DNAH11: variants seen among roughly 807,000 people sequenced by gnomAD.
DNAH11 encodes axonemal beta dynein heavy chain 11.
In DNAH11, 442 loss-of-function variants were observed where a neutral mutation model predicts 526.0. The observed-to-expected ratio is 0.84, with a 90% confidence interval of 0.78 to 0.91. The LOEUF (loss-of-function observed/expected upper bound fraction) is 0.91, where lower values mean the gene tolerates loss of function less well. Among genes scored for constraint, DNAH11 ranks in the 40% least tolerant of loss-of-function variants. The pLI is 0.00. For missense variants in DNAH11, 6,989 were observed against 5,448.7 expected (o/e 1.28, Z -8.90); for synonymous variants, 2,461 against 1,935.9 (o/e 1.27, Z -7.12).
intron 18 of DNAH11, 66 bp downstream of exon 18, chr7:21,601,684 AC>A: frequency 8.3e-7 from 1 of 1,201,082 alleles, no homozygotes; most frequent in Non-Finnish European, 1.1e-6. Flanking sequence ...AAAGTACTTT[AC>A]ATGTACTCTC....
intron 28 of DNAH11, among the ~76,000 whole-genome samples, chr7:21,641,198 C>T (rs554621263): frequency 1.3e-5 from 2 of 152,274 alleles, no homozygotes; most frequent in East Asian, 3.9e-4. Flanking sequence ...CTTACTGGTG[C>T]CCAGAGTTTT....
intron 36 of DNAH11, among the ~76,000 whole-genome samples, chr7:21,700,776 G>A (rs1244795531): frequency 6.6e-6 from 1 of 152,140 alleles, no homozygotes; most frequent in Non-Finnish European, 1.5e-5. Flanking sequence ...ATACTATGCA[G>A]CCATGAAAAA....
chr7:21,817,057 A>G (rs1789825780), intron 64 of DNAH11, among the ~76,000 whole-genome samples: 1 of 152,112 alleles, frequency 6.6e-6, no homozygotes, highest in Non-Finnish European at 1.5e-5. Flanking sequence ...TCCGGGCTTC[A>G]TGATGTTTAC....
Position 21,601,604 on chromosome 7 carries a change from T to C in DNAH11, c.3634T>C (p.Tyr1212His), listed in dbSNP as rs143830019. The C allele has an allele frequency of 6.7e-4, 1,053 of 1,579,026 alleles. 3 individuals carry two copies. In the East Asian group the frequency reaches 0.016, roughly 25 times the overall value. Residue 1212 changes from tyrosine (Y) to histidine (H), a missense_variant, in exon 18 of 82, where the codon TAT becomes CAT. Coordinates refer to ENST00000409508, the MANE Select transcript of DNAH11 (RefSeq NM_001277115.2). ...SYGQKMPEQVYIQLEELPERW... is the reference protein window; with the variant it reads ...SYGQKMPEQVHIQLEELPERW... The stretch of plus-strand genomic sequence containing the variant: ...TGGCCAGAAGATGCCTGAGCAGGTC[T>C]ATATTCAGCTAGAGGTAAGTGCAGA...
rs192581558 is a variant in DNAH11 at position 21,559,563 on chromosome 7, G to C, written c.693-40G>C. The C allele has an allele frequency of 2.9e-4, 416 of 1,451,954 alleles. No individual in the cohort carries two copies. In the African/African-American group the frequency reaches 5.4e-3, roughly 19 times the overall value. 89.9% of individuals were successfully genotyped at this position (1,451,954 alleles called of 1,614,324 possible). On this transcript the variant is annotated intron_variant, in intron 3 of 81. Transcript: ENST00000409508. Reference sequence around the variant, plus strand: ...TAAAGTCTATGTCTTTGGATAAAATGATTCATCTTTGAATTATTTTATTAT... The same window carrying C: ...TAAAGTCTATGTCTTTGGATAAAATCATTCATCTTTGAATTATTTTATTAT...
chr7:21,856,842 T>C (rs1260454855), intron 68 of DNAH11, among the ~76,000 whole-genome samples: 2 of 152,224 alleles, frequency 1.3e-5, no homozygotes, highest in African/African-American at 2.4e-5. Flanking sequence ...CTCAACATGA[T>C]AAAATGCATC....
intron 44 of DNAH11, among the ~76,000 whole-genome samples, chr7:21,724,812 T>TC (rs1393632373): frequency 4.7e-3 from 184 of 39,366 alleles, no homozygotes; most frequent in East Asian, 0.011. Context: ...TGCATAGAGG[T>TC]ATCACTGGAC....
chr7:21,856,627 A>G (rs545556546), intron 68 of DNAH11, among the ~76,000 whole-genome samples: 1 of 152,202 alleles, frequency 6.6e-6, no homozygotes, highest in African/African-American at 2.4e-5. Context: ...AAAAAGCACA[A>G]TGTATCATGA....
intron 63 of DNAH11, among the ~76,000 whole-genome samples, chr7:21,810,669 C>A (rs530119002): frequency 6.6e-6 from 1 of 152,068 alleles, no homozygotes; most frequent in Non-Finnish European, 1.5e-5. Context: ...AGTAATAAAG[C>A]TTTCATCAGA....
rs576276696 is a variant in DNAH11 at position 21,659,039 on chromosome 7, A to G, written c.5328+8A>G. On this transcript the variant is annotated splice_region_variant and intron_variant, in intron 30 of 81. Transcript: ENST00000409508. Reference sequence around the variant, plus strand: ...GATTTCCATAAAAAACAGGTATTACATAGATTTGTGATTTTGAGACATAAA... The same window carrying G: ...GATTTCCATAAAAAACAGGTATTACGTAGATTTGTGATTTTGAGACATAAA... The G allele has an allele frequency of 6.4e-7, 1 of 1,562,714 alleles. No individual in the cohort carries two copies. Among genetic ancestry groups the G allele is most frequent in the African/African-American group, 1.4e-5 (1 of 73,284 alleles).
rs777202241 is a variant in DNAH11 at position 21,807,897 on chromosome 7, G to T, written c.10180G>T (p.Gly3394Cys). The T allele has an allele frequency of 3.1e-6, 5 of 1,599,338 alleles. No individual in the cohort carries two copies. In the South Asian group the frequency reaches 5.6e-5, roughly 18 times the overall value. ...CTTTCAGTCAGAGAAGATTCGCTGG[G>T]GTCAATCCATTAAGTCCTTTGAAGC... ...KELEAKKIRW[G>C]QSIKSFEAQE... The change falls in exon 63 of 82, where the codon GGT (glycine) becomes TGT (cysteine). Residue 3394 changes from glycine to cysteine, a missense_variant. By Grantham distance (159) the Gly-to-Cys change is radical (BLOSUM62 -3). Coordinates refer to ENST00000409508, the MANE Select transcript of DNAH11 (RefSeq NM_001277115.2).
intron 72 of DNAH11, 96 bp downstream of exon 72, chr7:21,868,103 T>A (rs1783355276): frequency 4.1e-6 from 4 of 971,504 alleles, no homozygotes; most frequent in Non-Finnish European, 5.2e-6. Flanking sequence ...GATCTTAGTT[T>A]CTTTTTTTTT....
At chr7:21,573,782 A>T (rs1407439426) in intron 8 of DNAH11, among the ~76,000 whole-genome samples, 31 of 152,004 alleles carry the variant, frequency 2.0e-4, no homozygotes, top group Admixed American at 2.0e-3. Flanking sequence ...CTCCTGCCCC[A>T]TCCCCTCTGA....
intron 45 of DNAH11, 127 bp downstream of exon 45, chr7:21,726,111 G>A (rs1785092668): frequency 2.0e-6 from 2 of 977,628 alleles, no homozygotes; most frequent in African/African-American, 1.7e-5. Context: ...TGCCCAGGAA[G>A]CATGATGCTG....
chr7:21,889,872 C>G (rs1204937530), intron 76 of DNAH11, among the ~76,000 whole-genome samples: 1 of 152,172 alleles, frequency 6.6e-6, no homozygotes, highest in Non-Finnish European at 1.5e-5. Context: ...AGGAGAAAGT[C>G]TAGATTCAGC....
chr7:21,735,356 G>T (rs1314292165), intron 45 of DNAH11, among the ~76,000 whole-genome samples: 1 of 152,130 alleles, frequency 6.6e-6, no homozygotes, highest in Non-Finnish European at 1.5e-5. Context: ...GAGCCTTGGG[G>T]GCTAGTACTT....
chr7:21,892,355 A>AGTTCCTC (rs1784354534), intron 76 of DNAH11, 70 bp from the exon 77 acceptor site: 1 of 1,543,386 alleles, frequency 6.5e-7, no homozygotes, highest in Non-Finnish European at 8.7e-7. Context: ...GGTCTTCTCG[A>AGTTCCTC]AGTGTTGAGG....
chr7:21,663,644 T>G (rs1321017138), intron 30 of DNAH11, among the ~76,000 whole-genome samples: 1 of 152,134 alleles, frequency 6.6e-6, no homozygotes, highest in African/African-American at 2.4e-5. Flanking sequence ...TTCATGGAGT[T>G]TGACATTTTT....
chr7:21,833,549 G>A (rs1246844964), intron 65 of DNAH11, among the ~76,000 whole-genome samples: 3 of 151,924 alleles, frequency 2.0e-5, no homozygotes, highest in Admixed American at 6.6e-5. Context: ...ATAAAAATTA[G>A]CCCAGCATGA....
Sources: gnomAD v4.1 joint callset for allele counts (sites outside exome capture counted in the v4.1 genomes callset) on GRCh38, gnomAD v4.1.1 for gene constraint, MANE v1.5 for transcripts, NCBI Gene and HGNC (gene_info 2026-07-23, HGNC 2026-07-21) for gene names.